The following FSIP2 variants were observed in gnomAD, a reference collection of about 807,000 sequenced individuals.
The protein encoded by FSIP2 is fibrous sheath-interacting protein 2.
A neutral mutation model predicts 510.5 loss-of-function variants in FSIP2; 367 were observed. That is an observed-to-expected ratio of 0.72 (90% CI 0.66 to 0.78). The LOEUF (loss-of-function observed/expected upper bound fraction) is 0.78. Ranked by LOEUF, FSIP2 falls within the 30% of genes least tolerant of loss-of-function variation. The pLI, the probability that FSIP2 is intolerant of heterozygous loss-of-function variation, is 0.00. For missense variants in FSIP2, 7,594 were observed against 7,901.7 expected (o/e 0.96, Z 1.48); for synonymous variants, 2,601 against 2,732.2 (o/e 0.95, Z 1.50).
Position 185,799,889 on chromosome 2 carries a change from G to T in FSIP2, c.10583G>T (p.Trp3528Leu). ...AAGGGTAGAGAAAAAGAGAAAGCAT[G>T]GGAAATTCAAGAAGCAACATTTAGC... ...TKKGREKEKAWEIQEATFSKI... is the reference protein window; with the variant it reads ...TKKGREKEKALEIQEATFSKI... The change falls in exon 17 of 23, where the codon TGG (tryptophan) becomes TTG (leucine). Residue 3528 changes from tryptophan to leucine, a missense_variant. Trp to Leu is a moderately conservative substitution (Grantham distance 61, BLOSUM62 -2). Coordinates refer to ENST00000424728, the MANE Select transcript of FSIP2 (RefSeq NM_173651.4). 1 of 1,533,600 alleles carries T rather than the reference G, an allele frequency of 6.5e-7. No individual in the cohort carries two copies. The highest frequency in any genetic ancestry group is 8.7e-7 in the Non-Finnish European group (1 of 1,145,412). 95.0% of individuals were successfully genotyped at this position (1,533,600 alleles called of 1,614,324 possible).
At chr2:185,811,127 G>T (rs1009530082) in intron 17 of FSIP2, among the ~76,000 whole-genome samples, 5 of 151,980 alleles carry the variant, frequency 3.3e-5, no homozygotes, top group Admixed American at 3.3e-4. Context: ...GGAAAGAAAT[G>T]ACTTAAATTT....
intron 13 of FSIP2, among the ~76,000 whole-genome samples, chr2:185,778,502 G>A (rs1260393636): frequency 6.6e-6 from 1 of 151,830 alleles, no homozygotes; most frequent in Non-Finnish European, 1.5e-5. Context: ...TTGTACCCAT[G>A]AGTTAGTTGT....
Position 185,768,497 on chromosome 2 carries a change from A to G in FSIP2, c.1411+3932A>G, listed in dbSNP as rs1272487588. 1.5e-4 allele frequency among the ~76,000 whole-genome samples: 23 copies of G among 152,210 alleles called. No homozygotes were observed. In the East Asian group the frequency reaches 1.5e-3, roughly 10 times the overall value. On this transcript the variant is annotated intron_variant, in intron 13 of 22. Coordinates refer to ENST00000424728, the MANE Select transcript of FSIP2 (RefSeq NM_173651.4). ...TGCCTGTGGACATACCGTTTTCCCA[A>G]CAACATTTATTGAAAAAATTATCTT...
In FSIP2 at chr2:185,805,402, C is replaced by T. The variant is rs756701662; in HGVS notation, c.16096C>T (p.His5366Tyr). ...YEQFIEKCTS[H>Y]DIQKGDESNI... ...ACAGTTCATAGAAAAATGCACATCT[C>T]ATGATATTCAAAAAGGTGATGAAAG... is the stretch of plus-strand genomic sequence containing the variant. Residue 5366 changes from histidine (H) to tyrosine (Y), a missense_variant, in exon 17 of 23, where the codon CAT (histidine) becomes TAT (tyrosine). Physicochemically the swap from His to Tyr is moderately conservative, Grantham distance 83. Coordinates refer to ENST00000424728, the MANE Select transcript of FSIP2 (RefSeq NM_173651.4). 1.4e-5 allele frequency: 23 copies of T among 1,602,202 alleles called. No homozygotes were observed. In the African/African-American group the frequency reaches 3.1e-4, roughly 22 times the overall value.
chr2:185,801,858 G>A lies in FSIP2; in HGVS notation c.12552G>A (p.Lys4184=). 6.7e-7 allele frequency: 1 copy of A among 1,485,210 alleles called. No homozygotes were observed. Among genetic ancestry groups the A allele is most frequent in the African/African-American group, 1.4e-5 (1 of 70,596 alleles). The allele number at this position is 1,485,210 out of a possible 1,614,324, so 92.0% of individuals were successfully genotyped here. The change falls in exon 17 of 23, where the codon AAG becomes AAA. Residue 4184 remains lysine (K), a synonymous_variant. Coordinates refer to ENST00000424728, the MANE Select transcript of FSIP2 (RefSeq NM_173651.4). ...FNEMSTCIIN[K]VMSAISKHKI... ...AAATGTCCACTTGTATAATAAATAA[G>A]GTTATGTCAGCCATTTCAAAACATA...
chr2:185,762,297 A>C (rs1423990881), intron 11 of FSIP2, among the ~76,000 whole-genome samples: 2 of 151,194 alleles, frequency 1.3e-5, no homozygotes, highest in Non-Finnish European at 3.0e-5. Flanking sequence ...TAGTGGCTTC[A>C]GGAGATTGGA....
In FSIP2 at chr2:185,802,765, C is replaced by T; in HGVS notation, c.13459C>T (p.Leu4487=). The change falls in exon 17 of 23, where the codon CTG becomes TTG. Residue 4487 remains leucine (L), a synonymous_variant. Transcript: ENST00000424728. ...LSKLFSSASS[L]VLNRDTQKDI... is the part of the protein sequence containing the mutation. ...TAAATTATTTTCTTCTGCATCTAGC[C>T]TGGTTCTAAACAGAGACACCCAAAA... 4.0e-6 allele frequency: 6 copies of T among 1,515,212 alleles called. No homozygotes were observed. The highest frequency in any genetic ancestry group is 5.3e-6 in the Non-Finnish European group (6 of 1,139,054). 93.9% of individuals were successfully genotyped at this position (1,515,212 alleles called of 1,614,324 possible).
rs142958348 is a variant in FSIP2 at position 185,745,439 on chromosome 2, C to G, written c.488C>G (p.Ala163Gly). 5.5e-4 allele frequency: 844 copies of G among 1,529,022 alleles called. 12 individuals carry two copies. The East Asian group carries it at 0.017, about 31-fold the overall frequency. The allele number at this position is 1,529,022 out of a possible 1,614,324, so 94.7% of individuals were successfully genotyped here. ...ACATTTCTTAAATAGAGAATACTTG[C>G]AAAACAACTACATAACATACCGGAA... ...RNYIKEQRIL[A>G]KQLHNIPENN... is the part of the protein sequence containing the mutation. Residue 163 changes from alanine to glycine, a missense_variant, in exon 5 of 23, where the codon GCA becomes GGA. By Grantham distance (60) the Ala-to-Gly change is moderately conservative. Transcript: ENST00000424728.
chr2:185,826,698 C>G (rs1293572158), intron 20 of FSIP2, among the ~76,000 whole-genome samples: 3 of 151,694 alleles, frequency 2.0e-5, no homozygotes, highest in Admixed American at 2.0e-4. Flanking sequence ...GCTATATCAC[C>G]AAGAGCCTAA....
Position 185,807,898 on chromosome 2 carries a change from C to T in FSIP2, c.18592C>T (p.His6198Tyr), listed in dbSNP as rs763345782. 4.8e-5 allele frequency: 77 copies of T among 1,601,612 alleles called. No homozygotes were observed. The highest frequency in any genetic ancestry group is 5.9e-5 in the Non-Finnish European group (69 of 1,175,376). The change falls in exon 17 of 23, where the codon CAT (histidine) becomes TAT (tyrosine). Residue 6198 changes from histidine to tyrosine, a missense_variant. Coordinates refer to ENST00000424728, the MANE Select transcript of FSIP2 (RefSeq NM_173651.4). Reference protein sequence around the residue: ...SKLLSIFPKVHKERTKSLETD... With the variant: ...SKLLSIFPKVYKERTKSLETD... ...GCTTTTATCTATATTTCCAAAAGTA[C>T]ATAAAGAAAGAACAAAATCTCTAGA...
At position 185,806,498 on chromosome 2, in the gene FSIP2, CA is replaced by C; in HGVS notation, c.17199del (p.Val5734TyrfsTer24). On this transcript the variant is annotated frameshift_variant, in exon 17 of 23. Transcript: ENST00000424728. LOFTEE classifies it high-confidence loss of function. ...AGGGATTCGGCACAGTCTGTTACAA[CA>C]AAAAAAGTATCCTCCTCAACTAACA... ...ISRDSAQSVT[T>X]KKVSSSTNKN... 1 of 1,597,296 alleles carries C rather than the reference CA, an allele frequency of 6.3e-7. No homozygotes were observed. Among genetic ancestry groups the C allele is most frequent in the Admixed American group, 1.8e-5 (1 of 55,644 alleles).
intron 14 of FSIP2, chr2:185,783,969 A>C (rs1388622374): frequency 6.6e-6 from 1 of 152,184 alleles, no homozygotes; most frequent in Non-Finnish European, 1.5e-5. Context: ...CTTCTTCGCC[A>C]CTGCTCCAAG....
At chr2:185,758,183 T>C (rs1239126201) in intron 9 of FSIP2, among the ~76,000 whole-genome samples, 34 of 151,296 alleles carry the variant, frequency 2.2e-4, no homozygotes, top group Non-Finnish European at 3.0e-5. Flanking sequence ...TTCCTTTCCA[T>C]TGTATGGATG....
rs770302773 is a variant in FSIP2 at position 185,807,201 on chromosome 2, A to AT, written c.17899dup (p.Cys5967LeufsTer2). 6.2e-7 allele frequency: 1 copy of AT among 1,602,374 alleles called. No homozygotes were observed. The highest frequency in any genetic ancestry group is 1.1e-5 in the South Asian group (1 of 88,230). Reference sequence around the variant, plus strand: ...TTTTCCAACGTCAGGTTAACTTGATATTTTGTGATGAGGTTTCAGTTTCAG... The same window carrying AT: ...TTTTCCAACGTCAGGTTAACTTGATATTTTTGTGATGAGGTTTCAGTTTCAG... On this transcript the variant is annotated frameshift_variant, in exon 17 of 23. Coordinates refer to ENST00000424728, the MANE Select transcript of FSIP2 (RefSeq NM_173651.4). LOFTEE classifies it high-confidence loss of function.
chr2:185,832,562 C>A lies in FSIP2; in HGVS notation c.20588-528C>A, dbSNP rs367943304. On this transcript the variant is annotated intron_variant, in intron 22 of 22. Transcript: ENST00000424728. ...GTATCAGAAAAGTATATAAATATTTCTTTATATATAAAATTATTTCTTTAT... is the reference window on the plus strand; with the variant it reads ...GTATCAGAAAAGTATATAAATATTTATTTATATATAAAATTATTTCTTTAT... Among the ~76,000 whole-genome samples, 8 of 151,552 alleles carry A rather than the reference C, an allele frequency of 5.3e-5. No individual in the cohort carries two copies. In the South Asian group the frequency reaches 1.0e-3, roughly 20 times the overall value.
chr2:185,791,685 G>T lies in FSIP2; in HGVS notation c.4549G>T (p.Asp1517Tyr). 1.3e-6 allele frequency: 2 copies of T among 1,534,262 alleles called. No homozygotes were observed. Among genetic ancestry groups the T allele is most frequent in the Non-Finnish European group, 1.7e-6 (2 of 1,145,586 alleles). ...ATTAAAAGCTATCTCAGAGTCTCTT[G>T]ACATTGACAACCCATCATTTGCTTC... ...CGLKAISESLDIDNPSFASII... is the reference protein window; with the variant it reads ...CGLKAISESLYIDNPSFASII... Residue 1517 changes from aspartate to tyrosine, a missense_variant, in exon 16 of 23, where the codon GAC becomes TAC. By Grantham distance (160) the Asp-to-Tyr change is radical (BLOSUM62 -3). Transcript: ENST00000424728.
intron 20 of FSIP2, among the ~76,000 whole-genome samples, chr2:185,827,827 G>A (rs1437289397): frequency 2.6e-5 from 4 of 151,830 alleles, no homozygotes; most frequent in Admixed American, 2.6e-4. Flanking sequence ...TCATTGTACA[G>A]GTAAACAAAC....
At chr2:185,816,700 T>TAAAATAA (rs544674453) in intron 19 of FSIP2, among the ~76,000 whole-genome samples, 2 of 151,386 alleles carry the variant, frequency 1.3e-5, no homozygotes, top group Non-Finnish European at 2.9e-5. Context: ...TAAAATAAAA[T>TAAAATAA]AATAAAAAAT....
Position 185,789,449 on chromosome 2 carries a change from G to GA in FSIP2, c.2319dup (p.Cys774MetfsTer3), listed in dbSNP as rs1559025161. On this transcript the variant is annotated frameshift_variant, in exon 16 of 23. Coordinates refer to ENST00000424728, the MANE Select transcript of FSIP2 (RefSeq NM_173651.4). LOFTEE classifies it high-confidence loss of function. ...TTGAGAAGTTAGAGTCTGCAGTTGA[G>GA]AAAAAATGTGTTGAGATGTTTTCAC... is the stretch of plus-strand genomic sequence containing the variant. The GA allele has an allele frequency of 2.0e-6, 3 of 1,534,616 alleles. No homozygotes were observed. Among genetic ancestry groups the GA allele is most frequent in the East Asian group, 2.4e-5 (1 of 40,846 alleles).
Sources: gnomAD v4.1 joint callset for allele counts (sites outside exome capture counted in the v4.1 genomes callset) on GRCh38, gnomAD v4.1.1 for gene constraint, MANE v1.5 for transcripts, NCBI Gene and HGNC (gene_info 2026-07-23, HGNC 2026-07-21) for gene names.